The following YAE1 variants were observed in gnomAD, a reference collection of about 807,000 sequenced individuals.
The protein encoded by YAE1 is YAE1 maturation factor of ABCE1, also known as protein YAE1 homolog.
A neutral mutation model predicts 23.0 loss-of-function variants in YAE1; 22 were observed. The ratio of observed to expected loss-of-function variants is 0.96; its 90% CI spans 0.68 to 1.37. The LOEUF (loss-of-function observed/expected upper bound fraction) is 1.37. Among genes scored for constraint, YAE1 ranks in the 40% most tolerant of loss-of-function variants. The probability of loss-of-function intolerance (pLI) is 0.00; values close to 1 mark genes in which losing one functional copy is unlikely to be tolerated. For missense variants in YAE1, 260 were observed against 262.1 expected (o/e 0.99, Z 0.06); for synonymous variants, 101 against 97.0 (o/e 1.04, Z -0.24).
intron 2 of YAE1, among the ~76,000 whole-genome samples, chr7:39,596,273 C>G (rs1021448629): frequency 3.3e-5 from 5 of 152,242 alleles, no homozygotes; most frequent in Admixed American, 2.6e-4. Flanking sequence ...CGGCTCACTG[C>G]AACCTCCGCC....
intron 2 of YAE1, among the ~76,000 whole-genome samples, chr7:39,580,529 T>G (rs982413256): frequency 1.3e-5 from 2 of 152,210 alleles, no homozygotes; most frequent in Non-Finnish European, 2.9e-5. Context: ...AACTCACCAC[T>G]GAGAGAGGCC....
intron 2 of YAE1, among the ~76,000 whole-genome samples, chr7:39,595,184 T>G (rs1310909829): frequency 1.3e-5 from 2 of 152,082 alleles, no homozygotes; most frequent in Non-Finnish European, 2.9e-5. Flanking sequence ...TACCCTTCAA[T>G]TCTATTTCCG....
intron 2 of YAE1, among the ~76,000 whole-genome samples, chr7:39,600,424 G>T (rs996826188): frequency 1.3e-4 from 20 of 151,880 alleles, no homozygotes; most frequent in African/African-American, 4.1e-4. Context: ...TTGGGATGGA[G>T]TCTCCCTCTG....
Position 39,572,703 on chromosome 7 carries a change from A to G in YAE1, c.678A>G (p.Leu226=), listed in dbSNP as rs1583669298. 6.4e-7 allele frequency: 1 copy of G among 1,562,292 alleles called. No individual in the cohort carries two copies. The highest frequency in any genetic ancestry group is 1.7e-4 in the Middle Eastern group (1 of 5,792). ...SVDVLQHLKQ[L] is the part of the protein sequence containing the mutation. Reference sequence around the variant, plus strand: ...ATGTATTACAACACCTCAAACAACTATAAAATTACCTTCCCTTTTCTAATG... The same window carrying G: ...ATGTATTACAACACCTCAAACAACTGTAAAATTACCTTCCCTTTTCTAATG... Residue 226 remains leucine, a synonymous_variant, in exon 3 of 3, where the codon CTA becomes CTG. Coordinates refer to ENST00000223273, the MANE Select transcript of YAE1 (RefSeq NM_020192.5).
At chr7:39,608,541 G>T (rs1791161894) in intron 2 of YAE1, among the ~76,000 whole-genome samples, 1 of 152,174 alleles carries the variant, frequency 6.6e-6, no homozygotes, top group South Asian at 2.1e-4. Flanking sequence ...CAGGAGATCT[G>T]CTCTCTTGAC....
exon 3 of YAE1, chr7:39,609,810 C>T (rs1240879053): frequency 1.3e-6 from 2 of 1,531,482 alleles, no homozygotes; most frequent in South Asian, 1.2e-5. Flanking sequence ...TCCCCGCTTC[C>T]CCGCCCGGCT....
chr7:39,596,671 A>G (rs998761461), intron 2 of YAE1, among the ~76,000 whole-genome samples: 1 of 152,156 alleles, frequency 6.6e-6, no homozygotes, highest in Non-Finnish European at 1.5e-5. Context: ...GCATATTTAC[A>G]TTAAATTACT....
intron 1 of YAE1, 128 bp downstream of exon 1, chr7:39,566,675 G>A: frequency 1.5e-6 from 2 of 1,292,078 alleles, no homozygotes; most frequent in Non-Finnish European, 2.1e-6. Flanking sequence ...GACCCGGTCC[G>A]ACCCGCGTCT....
chr7:39,574,337 C>A (rs1011022232), downstream of YAE1, among the ~76,000 whole-genome samples: 7 of 152,170 alleles, frequency 4.6e-5, no homozygotes, highest in Admixed American at 1.3e-4. Context: ...GTGGCTCACA[C>A]CTGTAATCTC....
intron 2 of YAE1, among the ~76,000 whole-genome samples, chr7:39,596,235 C>T (rs527593440): frequency 1.3e-5 from 2 of 152,172 alleles, no homozygotes; most frequent in South Asian, 2.1e-4. Flanking sequence ...CACTCTGTCA[C>T]GCAGGCTGGG....
At chr7:39,595,447 C>A (rs1790961162) in intron 2 of YAE1, among the ~76,000 whole-genome samples, 1 of 151,696 alleles carries the variant, frequency 6.6e-6, no homozygotes, top group African/African-American at 2.4e-5. Context: ...GTAAACACTG[C>A]AGAGAGACCC....
chr7:39,568,442 A>T (rs1323191634), intron 1 of YAE1, among the ~76,000 whole-genome samples: 1 of 152,134 alleles, frequency 6.6e-6, no homozygotes, highest in Admixed American at 6.5e-5. Context: ...AATGTAAAAT[A>T]CCAGGACTTT....
At chr7:39,581,072 C>T (rs1213584574) in intron 2 of YAE1, among the ~76,000 whole-genome samples, 3 of 152,306 alleles carry the variant, frequency 2.0e-5, no homozygotes, top group African/African-American at 7.2e-5. Flanking sequence ...CTTTTTCTCT[C>T]ACACACACAA....
Position 39,587,089 on chromosome 7 carries a change from C to T in YAE1, c.251+16462C>T, listed in dbSNP as rs1335306667. On this transcript the variant is annotated intron_variant, in intron 2 of 2. Transcript: ENST00000432096. Reference sequence around the variant, plus strand: ...TCTTTCTTTTTCAGATGGAATTCCACTCTGTGGCCCAGACTGGAGTGCAGT... The same window carrying T: ...TCTTTCTTTTTCAGATGGAATTCCATTCTGTGGCCCAGACTGGAGTGCAGT... Among the ~76,000 whole-genome samples, 6 of 151,462 alleles carry T rather than the reference C, an allele frequency of 4.0e-5. No individual in the cohort carries two copies. In the East Asian group the frequency reaches 9.7e-4, roughly 24 times the overall value.
At position 39,567,486 on chromosome 7, in the gene YAE1, C is replaced by CT. The variant is rs574111459; in HGVS notation, c.129+940dup. On this transcript the variant is annotated intron_variant, in intron 1 of 2. Transcript: ENST00000223273. ...CATCCTTTTTTTTTTAAACAATTTC[C>CT]TCTCTCTGCTTTGCCCTGTCTCCTC... Among the ~76,000 whole-genome samples the CT allele has an allele frequency of 7.6e-4, 115 of 152,004 alleles. 2 individuals are homozygous for CT. In the Middle Eastern group the frequency reaches 0.01, roughly 13 times the overall value.
At chr7:39,598,585 T>C (rs1019636608) in intron 2 of YAE1, among the ~76,000 whole-genome samples, 1 of 151,828 alleles carries the variant, frequency 6.6e-6, no homozygotes, top group East Asian at 2.0e-4. Context: ...GAAACCAGCC[T>C]GGGCAACATG....
chr7:39,610,421 A>G (rs1283929295), downstream of YAE1: 2 of 452,844 alleles, frequency 4.4e-6, no homozygotes, highest in Admixed American at 2.4e-5. Flanking sequence ...TCCATTTTAT[A>G]CGACTTGAAA....
exon 3 of YAE1, chr7:39,609,699 C>T: frequency 6.5e-7 from 1 of 1,535,678 alleles, no homozygotes; most frequent in Non-Finnish European, 8.7e-7. Context: ...GCCGCGTCCC[C>T]TCCCGGTCCC....
downstream of YAE1, among the ~76,000 whole-genome samples, chr7:39,576,708 C>G (rs1188678748): frequency 6.6e-6 from 1 of 152,050 alleles, no homozygotes; most frequent in Non-Finnish European, 1.5e-5. Context: ...CTTCACGTTT[C>G]TCCAGGAAAA....
Sources: allele counts gnomAD v4.1 joint callset (sites outside exome capture counted in the v4.1 genomes callset), GRCh38; gene constraint gnomAD v4.1.1; transcripts MANE v1.5; gene names NCBI Gene and HGNC (gene_info 2026-07-23, HGNC 2026-07-21).